SWAP70: variants seen among roughly 807,000 people sequenced by gnomAD.
SWAP70 encodes switch-associated protein 70.
SWAP70 carries 34 observed loss-of-function variants against 80.2 expected under a neutral mutation model. That is an observed-to-expected ratio of 0.42 (90% CI 0.32 to 0.56). The LOEUF (loss-of-function observed/expected upper bound fraction) is 0.56. Among genes scored for constraint, SWAP70 ranks in the 20% least tolerant of loss-of-function variants. The probability of loss-of-function intolerance (pLI) is 0.09; values close to 1 mark genes in which losing one functional copy is unlikely to be tolerated. For missense variants in SWAP70, 578 were observed against 690.7 expected (o/e 0.84, Z 1.83); for synonymous variants, 239 against 238.5 (o/e 1.00, Z -0.02).
At chr11:9,666,089 GT>G (rs1392291288) in intron 1 of SWAP70, among the ~76,000 whole-genome samples, 19 of 126,204 alleles carry the variant, frequency 1.5e-4, no homozygotes, top group Non-Finnish European at 1.7e-4. Context: ...TTAGTTTTTT[GT>G]TTTTTTTTTT....
intron 9 of SWAP70, among the ~76,000 whole-genome samples, chr11:9,747,079 G>T (rs1023221710): frequency 6.6e-6 from 1 of 152,164 alleles, no homozygotes; most frequent in African/African-American, 2.4e-5. Flanking sequence ...ACACTTTAAT[G>T]CAGGTTTTGG....
intron 9 of SWAP70, among the ~76,000 whole-genome samples, chr11:9,747,578 C>G (rs1195595942): frequency 6.6e-6 from 1 of 152,252 alleles, no homozygotes; most frequent in Non-Finnish European, 1.5e-5. Context: ...AGAAAATACA[C>G]TTGACTCTTA....
At chr11:9,693,598 A>T (rs573217234) in intron 1 of SWAP70, among the ~76,000 whole-genome samples, 2 of 152,304 alleles carry the variant, frequency 1.3e-5, no homozygotes, top group Admixed American at 6.5e-5. Context: ...TTAGATACTT[A>T]GAGATTCCTA....
At chr11:9,716,737 G>A (rs567161672) in intron 3 of SWAP70, among the ~76,000 whole-genome samples, 1 of 152,330 alleles carries the variant, frequency 6.6e-6, no homozygotes, top group Non-Finnish European at 1.5e-5. Flanking sequence ...CATCCTTGTG[G>A]AGCTGTGCAC....
chr11:9,743,013 AG>A (rs1482061042), intron 9 of SWAP70, among the ~76,000 whole-genome samples: 7 of 149,250 alleles, frequency 4.7e-5, no homozygotes, highest in Admixed American at 4.7e-4. Flanking sequence ...CTCGTCATTT[AG>A]CATTAGGTAT....
rs116678234 is a variant in SWAP70, at chr11:9,739,811, G to A, written c.1189-370G>A. 4.3e-3 allele frequency among the ~76,000 whole-genome samples: 654 copies of A among 152,278 alleles called. 7 individuals carry two copies. The highest frequency in any genetic ancestry group is 0.015 in the African/African-American group (626 of 41,556). On this transcript the variant is annotated intron_variant, in intron 8 of 11. Transcript: ENST00000318950. ...GTTTGCTCTGACTGGGAAAAGGTTC[G>A]TTCCTTTTAGAGAAGACCCTATTGG...
chr11:9,675,786 G>A lies in SWAP70; in HGVS notation c.99+11508G>A, dbSNP rs936062211. Among the ~76,000 whole-genome samples the A allele has an allele frequency of 1.9e-4, 29 of 151,944 alleles. No homozygotes were observed. In the East Asian group the frequency reaches 2.5e-3, roughly 13 times the overall value. Reference sequence around the variant, plus strand: ...CCTGGCAATCTGTGCACCTTCTACCGGGGAGCTCTGTCTCTCTGGCTCCAG... The same window carrying A: ...CCTGGCAATCTGTGCACCTTCTACCAGGGAGCTCTGTCTCTCTGGCTCCAG... On this transcript the variant is annotated intron_variant, in intron 1 of 11. Transcript: ENST00000318950.
chr11:9,665,123 C>A (rs1286815839), intron 1 of SWAP70, among the ~76,000 whole-genome samples: 1 of 152,168 alleles, frequency 6.6e-6, no homozygotes, highest in Non-Finnish European at 1.5e-5. Flanking sequence ...AATATAGAAA[C>A]AGACAAGAAA....
chr11:9,671,638 ATTTCT>A (rs1850399495), intron 1 of SWAP70, among the ~76,000 whole-genome samples: 1 of 86,694 alleles, frequency 1.2e-5, no homozygotes, highest in Non-Finnish European at 2.1e-5. Flanking sequence ...ATATATAAAT[ATTTCT>A]ATATAAATAT....
intron 3 of SWAP70, among the ~76,000 whole-genome samples, chr11:9,721,991 C>T (rs924451659): frequency 4.6e-5 from 7 of 152,142 alleles, no homozygotes; most frequent in Non-Finnish European, 1.0e-4. Context: ...ACATAATCTT[C>T]GTGCAGTAGA....
At position 9,675,346 on chromosome 11, in the gene SWAP70, CGAGAGAGAGAGAGAGAGAGAGA is replaced by C. The variant is rs1184480305; in HGVS notation, c.99+11122_99+11143del. 3.7e-3 allele frequency among the ~76,000 whole-genome samples: 31 copies of C among 8,414 alleles called. 2 individuals carry two copies. Among genetic ancestry groups the C allele is most frequent in the Admixed American group, 7.2e-3 (3 of 414 alleles). 5.5% of individuals were successfully genotyped at this position (8,414 alleles called of 152,430 possible). On this transcript the variant is annotated intron_variant, in intron 1 of 11. Transcript: ENST00000318950. ...GAGAGAGAGAGAGAGAGAGAGGGAG[CGAGAGAGAGAGAGAGAGAGAGA>C]GAGAGAGAGAGAGAGAGAGAGAGAG...
intron 2 of SWAP70, among the ~76,000 whole-genome samples, chr11:9,699,452 T>C (rs1343110993): frequency 6.6e-6 from 1 of 152,162 alleles, no homozygotes; most frequent in Non-Finnish European, 1.5e-5. Context: ...TTTTATTATA[T>C]GTAAATATGT....
At chr11:9,740,148 C>T (rs1851416693) in intron 8 of SWAP70, 33 bp from the exon 9 acceptor site, 3 of 1,600,164 alleles carry the variant, frequency 1.9e-6, no homozygotes, top group African/African-American at 1.3e-5. Flanking sequence ...AGAAGTCAAC[C>T]TGCATTTAAA....
intron 2 of SWAP70, among the ~76,000 whole-genome samples, chr11:9,698,528 T>C (rs2117698): frequency 0.66 from 100,988 of 151,888 alleles, 33,934 homozygotes; most frequent in South Asian, 0.85. Flanking sequence ...CCTCAGCCTC[T>C]TGAGTAGCTG....
intron 3 of SWAP70, among the ~76,000 whole-genome samples, chr11:9,719,803 G>C (rs1168153731): frequency 6.6e-6 from 1 of 152,260 alleles, no homozygotes; most frequent in South Asian, 2.1e-4. Context: ...TGTGTCTCTT[G>C]TGTACCTATT....
At chr11:9,718,066 AGCCAAG>A (rs1590035888) in intron 3 of SWAP70, among the ~76,000 whole-genome samples, 1 of 152,264 alleles carries the variant, frequency 6.6e-6, no homozygotes, top group East Asian at 1.9e-4. Flanking sequence ...GCCAGAGCCC[AGCCAAG>A]GCTCCTGGCA....
At chr11:9,723,119 C>A (rs1851161291) in intron 3 of SWAP70, among the ~76,000 whole-genome samples, 2 of 152,070 alleles carry the variant, frequency 1.3e-5, no homozygotes, top group Admixed American at 6.6e-5. Context: ...GAGGGTCAGG[C>A]TCTGGCTTTT....
At chr11:9,697,075 A>T (rs541443878) in intron 2 of SWAP70, among the ~76,000 whole-genome samples, 2 of 152,130 alleles carry the variant, frequency 1.3e-5, no homozygotes, top group African/African-American at 4.8e-5. Context: ...CATTAAAAAA[A>T]TTTTAAAAAC....
chr11:9,746,434 A>T (rs1851513431), intron 9 of SWAP70, among the ~76,000 whole-genome samples: 1 of 152,232 alleles, frequency 6.6e-6, no homozygotes, highest in Non-Finnish European at 1.5e-5. Context: ...CTAGAAAAGC[A>T]CGTAGAAGGC....
Sources: gnomAD v4.1 joint callset for allele counts (sites outside exome capture counted in the v4.1 genomes callset) on GRCh38, gnomAD v4.1.1 for gene constraint, MANE v1.5 for transcripts, NCBI Gene and HGNC (gene_info 2026-07-23, HGNC 2026-07-21) for gene names.